The following EXOC4 variants were observed in gnomAD, a reference collection of about 807,000 sequenced individuals.
EXOC4 encodes SEC8-like 1.
Under a neutral mutation model 107.2 loss-of-function variants are expected in EXOC4, and 71 were observed. The ratio of observed to expected loss-of-function variants is 0.66; its 90% CI spans 0.55 to 0.81. The LOEUF is 0.81. Ranked by LOEUF, EXOC4 falls within the 30% of genes least tolerant of loss-of-function variation. The probability of loss-of-function intolerance (pLI) is 0.00; values close to 1 mark genes in which losing one functional copy is unlikely to be tolerated. For missense variants in EXOC4, 1,108 were observed against 1,189.6 expected (o/e 0.93, Z 1.01); for synonymous variants, 456 against 441.2 (o/e 1.03, Z -0.42).
chr7:133,677,286 T>G (rs1469816067), intron 10 of EXOC4, among the ~76,000 whole-genome samples: 1 of 152,166 alleles, frequency 6.6e-6, no homozygotes, highest in Non-Finnish European at 1.5e-5. Flanking sequence ...TGTCATTCCA[T>G]AAGCCTTCTA....
chr7:133,296,845 A>G (rs908324879), intron 3 of EXOC4, among the ~76,000 whole-genome samples: 1 of 152,114 alleles, frequency 6.6e-6, no homozygotes, highest in Non-Finnish European at 1.5e-5. Context: ...ACTGCACATT[A>G]GGGGATCTTG....
chr7:133,564,519 T>C (rs1166481556), intron 9 of EXOC4, among the ~76,000 whole-genome samples: 9 of 152,190 alleles, frequency 5.9e-5, no homozygotes, highest in Non-Finnish European at 1.2e-4. Context: ...TTTTTTGTTC[T>C]CCTTCTCCAC....
intron 10 of EXOC4, among the ~76,000 whole-genome samples, chr7:133,644,442 A>G (rs1441497896): frequency 2.0e-5 from 3 of 152,208 alleles, no homozygotes; most frequent in Non-Finnish European, 4.4e-5. Context: ...CTTTATTACT[A>G]TGATTATGAT....
At chr7:133,556,689 A>G (rs945938909) in intron 9 of EXOC4, among the ~76,000 whole-genome samples, 7 of 152,176 alleles carry the variant, frequency 4.6e-5, no homozygotes, top group Non-Finnish European at 8.8e-5. Flanking sequence ...CTTTGGGAAG[A>G]ATTATGGGGC....
At chr7:133,502,690 C>T (rs751123011) in intron 9 of EXOC4, among the ~76,000 whole-genome samples, 9 of 151,976 alleles carry the variant, frequency 5.9e-5, no homozygotes, top group South Asian at 2.1e-4. Context: ...GTAAGGCAAC[C>T]GCAGGTTTGC....
intron 11 of EXOC4, among the ~76,000 whole-genome samples, chr7:133,855,078 TCTAA>T (rs1439527877): frequency 3.9e-4 from 37 of 94,670 alleles, no homozygotes; most frequent in South Asian, 7.2e-4. Flanking sequence ...TCTAAATATA[TCTAA>T]ATATATATAA....
chr7:133,268,646 AT>A (rs974196976), intron 1 of EXOC4, among the ~76,000 whole-genome samples: 35 of 152,328 alleles, frequency 2.3e-4, no homozygotes, highest in African/African-American at 8.2e-4. Flanking sequence ...TAGTATGAAA[AT>A]GGGAAACAGA....
chr7:133,342,011 A>T (rs1795672216), intron 5 of EXOC4, among the ~76,000 whole-genome samples: 1 of 151,920 alleles, frequency 6.6e-6, no homozygotes. Flanking sequence ...TTTTACGTGG[A>T]GCGTTTAGGC....
At chr7:134,010,184 TTC>T (rs1794731618) in intron 17 of EXOC4, 2 of 152,192 alleles carry the variant, frequency 1.3e-5, no homozygotes, top group South Asian at 2.1e-4. Flanking sequence ...CGAGACTCTT[TTC>T]TCAGTGCCTC....
chr7:133,976,786 A>AT (rs145680407), intron 14 of EXOC4, among the ~76,000 whole-genome samples: 1,792 of 152,258 alleles, frequency 0.012, 30 homozygotes, highest in African/African-American at 0.041. Flanking sequence ...ATGAATATGT[A>AT]TTTTTTTAAC....
At chr7:133,465,138 G>A (rs1798697279) in intron 7 of EXOC4, among the ~76,000 whole-genome samples, 1 of 151,974 alleles carries the variant, frequency 6.6e-6, no homozygotes, top group African/African-American at 2.4e-5. Context: ...TTGTAATGGT[G>A]TAAGATAATT....
chr7:133,516,099 GATA>G (rs1316078025), intron 9 of EXOC4, among the ~76,000 whole-genome samples: 1 of 152,146 alleles, frequency 6.6e-6, no homozygotes, highest in Non-Finnish European at 1.5e-5. Context: ...CTCTAAGGTG[GATA>G]ATATGACAGT....
chr7:133,462,886 G>C (rs1484169044), intron 7 of EXOC4, among the ~76,000 whole-genome samples: 2 of 152,162 alleles, frequency 1.3e-5, no homozygotes, highest in Non-Finnish European at 2.9e-5. Context: ...ATCCTATAGA[G>C]GTTGATTGGG....
At chr7:133,457,876 T>C (rs1798499606) in intron 7 of EXOC4, among the ~76,000 whole-genome samples, 1 of 152,202 alleles carries the variant, frequency 6.6e-6, no homozygotes, top group African/African-American at 2.4e-5. Context: ...CAGTAGTAGG[T>C]ATAGCTTCAG....
intron 13 of EXOC4, among the ~76,000 whole-genome samples, chr7:133,924,539 C>T (rs913919521): frequency 1.3e-5 from 2 of 152,258 alleles, no homozygotes; most frequent in African/African-American, 4.8e-5. Context: ...TCTTATTTTG[C>T]TCACTGAGTT....
rs114993062 is a variant in EXOC4 at position 133,472,225 on chromosome 7, G to T, written c.1183-3103G>T. On this transcript the variant is annotated intron_variant, in intron 7 of 17. Transcript: ENST00000253861. ...AGCAGTGTTTTAGGACTGTCAGTCT[G>T]TTGATATTACGTGAGAAGGACTGGA... Among the ~76,000 whole-genome samples the T allele has an allele frequency of 3.6e-3, 551 of 152,282 alleles. 5 individuals are homozygous for T. Among genetic ancestry groups the T allele is most frequent in the African/African-American group, 0.012 (514 of 41,560 alleles).
intron 6 of EXOC4, among the ~76,000 whole-genome samples, chr7:133,365,779 G>A (rs1796237143): frequency 6.6e-6 from 1 of 152,122 alleles, no homozygotes. Flanking sequence ...GCTCAGCCAG[G>A]CTTATTAAGG....
intron 11 of EXOC4, among the ~76,000 whole-genome samples, chr7:133,886,867 T>A (rs1799097295): frequency 1.3e-5 from 2 of 152,206 alleles, no homozygotes; most frequent in South Asian, 4.1e-4. Context: ...TTGTTATAAA[T>A]TCTTGAAAAA....
In EXOC4 at chr7:133,326,784, C is replaced by T. The variant is rs576010846; in HGVS notation, c.763+9394C>T. Among the ~76,000 whole-genome samples, 389 of 152,340 alleles carry T rather than the reference C, an allele frequency of 2.6e-3. 1 individual carries two copies. Among genetic ancestry groups the T allele is most frequent in the Non-Finnish European group, 4.4e-3 (299 of 68,026 alleles). On this transcript the variant is annotated intron_variant, in intron 5 of 17. Coordinates refer to ENST00000253861, the MANE Select transcript of EXOC4 (RefSeq NM_021807.4). ...GCAGAGGTTTCTGCTGCCTTTCGTTCGGCTATGCCCTGCCCCCAGAGGTGC... is the reference window on the plus strand; with the variant it reads ...GCAGAGGTTTCTGCTGCCTTTCGTTTGGCTATGCCCTGCCCCCAGAGGTGC...
Sources: gnomAD v4.1 joint callset for allele counts (sites outside exome capture counted in the v4.1 genomes callset) on GRCh38, gnomAD v4.1.1 for gene constraint, MANE v1.5 for transcripts, NCBI Gene and HGNC (gene_info 2026-07-23, HGNC 2026-07-21) for gene names.